SLC38A6: variants seen among roughly 807,000 people sequenced by gnomAD.
SLC38A6 encodes the protein solute carrier family 38 member 6, also known as N system amino acid transporter NAT-1.
A neutral mutation model predicts 65.0 loss-of-function variants in SLC38A6; 73 were observed. The observed-to-expected ratio is 1.12, with a 90% CI of 0.93 to 1.37. The LOEUF (loss-of-function observed/expected upper bound fraction) is 1.37, where lower values mean the gene tolerates loss of function less well. SLC38A6 is among the 40% of genes most tolerant of loss of function. The probability of loss-of-function intolerance (pLI) is 0.00; values close to 1 mark genes in which losing one functional copy is unlikely to be tolerated. For synonymous variants in SLC38A6, 183 were observed against 178.8 expected (o/e 1.02, Z -0.19); for missense variants, 561 against 531.1 (o/e 1.06, Z -0.55).
At chr14:61,033,013 T>C (rs543217264) in intron 6 of SLC38A6, among the ~76,000 whole-genome samples, 4 of 152,078 alleles carry the variant, frequency 2.6e-5, no homozygotes, top group African/African-American at 9.6e-5. Flanking sequence ...GAAGCTATAA[T>C]ACTTATACTG....
intron 3 of SLC38A6, among the ~76,000 whole-genome samples, chr14:60,996,592 T>C (rs1188307607): frequency 6.6e-6 from 1 of 152,148 alleles, no homozygotes; most frequent in African/African-American, 2.4e-5. Context: ...CAAAAATTGA[T>C]GTAACTGAAG....
At chr14:60,981,840 C>T in intron 1 of SLC38A6, 1 of 857,664 alleles carries the variant, frequency 1.2e-6, no homozygotes, top group Non-Finnish European at 1.6e-6. Flanking sequence ...ATGGAAGTGG[C>T]TTGGTAGTAA....
At chr14:61,079,865 C>T (rs2043576589) in intron 16 of SLC38A6, among the ~76,000 whole-genome samples, 1 of 152,054 alleles carries the variant, frequency 6.6e-6, no homozygotes, top group African/African-American at 2.4e-5. Flanking sequence ...GGCTGAAATC[C>T]TGTGGGATCC....
intron 3 of SLC38A6, among the ~76,000 whole-genome samples, chr14:61,005,051 G>T (rs11847208): frequency 0.87 from 132,869 of 152,018 alleles, 58,953 homozygotes; most frequent in Non-Finnish European, 0.96. Context: ...ATCAATAAAT[G>T]TAATCCAGCA....
chr14:61,009,954 CA>C (rs1310171705), intron 3 of SLC38A6, among the ~76,000 whole-genome samples: 1 of 152,150 alleles, frequency 6.6e-6, no homozygotes, highest in Non-Finnish European at 1.5e-5. Context: ...GAGGAATCAC[CA>C]CACTGACTTC....
intron 15 of SLC38A6, among the ~76,000 whole-genome samples, chr14:61,077,142 TAAGG>T (rs1347565527): frequency 2.0e-5 from 3 of 152,274 alleles, no homozygotes; most frequent in South Asian, 2.1e-4. Context: ...TATAAAAAAT[TAAGG>T]AAGGTTATAA....
At chr14:61,005,678 A>C (rs1003116366) in intron 3 of SLC38A6, among the ~76,000 whole-genome samples, 22 of 152,248 alleles carry the variant, frequency 1.4e-4, no homozygotes, top group Non-Finnish European at 2.6e-4. Context: ...TAATGAAATA[A>C]AAGAAGATAC....
intron 15 of SLC38A6, chr14:61,073,926 C>T (rs1256493685): frequency 6.6e-6 from 1 of 151,614 alleles, no homozygotes; most frequent in Non-Finnish European, 1.5e-5. Context: ...TTATGATGAT[C>T]CAGTTTCACT....
At chr14:61,043,293 A>T in intron 9 of SLC38A6, 81 bp downstream of exon 9, 1 of 1,129,920 alleles carries the variant, frequency 8.9e-7, no homozygotes, top group Non-Finnish European at 1.3e-6. Flanking sequence ...TTCTTTTCTG[A>T]TTGATGAAAA....
intron 5 of SLC38A6, among the ~76,000 whole-genome samples, chr14:61,026,144 G>T (rs774709430): frequency 2.0e-5 from 3 of 152,078 alleles, no homozygotes; most frequent in Non-Finnish European, 4.4e-5. Context: ...ATTAGGGTTG[G>T]TTTGTTTTTT....
chr14:60,984,634 A>C, intron 2 of SLC38A6, 96 bp from the exon 3 acceptor site: 1 of 911,702 alleles, frequency 1.1e-6, no homozygotes, highest in South Asian at 1.3e-5. Context: ...AGTTCCTGTG[A>C]ATATTTGACT....
intron 3 of SLC38A6, among the ~76,000 whole-genome samples, chr14:61,009,044 C>CT (rs1201638196): frequency 4.6e-5 from 7 of 152,122 alleles, no homozygotes. Context: ...TAAGAGGACT[C>CT]TATTCTTACA....
chr14:61,064,410 C>T (rs904180030), intron 15 of SLC38A6, among the ~76,000 whole-genome samples: 1 of 152,010 alleles, frequency 6.6e-6, no homozygotes, highest in Non-Finnish European at 1.5e-5. Context: ...AGTGTGATGA[C>T]AGCTGGGCAT....
chr14:61,042,745 G>T (rs529228393), intron 8 of SLC38A6, among the ~76,000 whole-genome samples: 1 of 152,166 alleles, frequency 6.6e-6, no homozygotes, highest in East Asian at 1.9e-4. Flanking sequence ...TCTTCCTGTG[G>T]CCTTTCCATA....
rs538806960 is a variant in SLC38A6 at position 61,011,399 on chromosome 14, C to A, written c.311-4505C>A. 2.6e-5 allele frequency among the ~76,000 whole-genome samples: 4 copies of A among 152,112 alleles called. No homozygotes were observed. In the South Asian group the frequency reaches 8.3e-4, roughly 32 times the overall value. On this transcript the variant is annotated intron_variant, in intron 3 of 15. Transcript: ENST00000267488. ...CCTTCTCCTGCCTGATTGCCCTGGC[C>A]AGAACTTCCAACACTATGTTGAATA...
At chr14:61,046,441 GAA>G (rs1448782159) in intron 12 of SLC38A6, among the ~76,000 whole-genome samples, 2 of 152,046 alleles carry the variant, frequency 1.3e-5, no homozygotes, top group African/African-American at 4.8e-5. Flanking sequence ...CTTTCTATAA[GAA>G]AAAATGTGCA....
chr14:60,988,470 T>C (rs534370995), intron 3 of SLC38A6, among the ~76,000 whole-genome samples: 135 of 152,360 alleles, frequency 8.9e-4, no homozygotes, highest in African/African-American at 3.1e-3. Context: ...CTAATCCTTC[T>C]AATGCTTTCA....
intron 5 of SLC38A6, among the ~76,000 whole-genome samples, chr14:61,027,046 A>G (rs1448287770): frequency 6.6e-6 from 1 of 152,096 alleles, no homozygotes; most frequent in East Asian, 1.9e-4. Flanking sequence ...GCTATTACCT[A>G]ATCAGATTTT....
In SLC38A6 at chr14:61,026,167, G is replaced by A. The variant is rs574054623; in HGVS notation, c.404-4278G>A. On this transcript the variant is annotated intron_variant, in intron 5 of 15. Coordinates refer to ENST00000267488, the MANE Select transcript of SLC38A6 (RefSeq NM_153811.3). The stretch of plus-strand genomic sequence containing the variant: ...TGGTTTGTTTTTTTTAAGTTTGTAT[G>A]CTTAATAACGACAACTTGGGAAGCA... Among the ~76,000 whole-genome samples the A allele has an allele frequency of 4.6e-5, 7 of 152,164 alleles. No individual in the cohort carries two copies. In the South Asian group the frequency reaches 8.3e-4, roughly 18 times the overall value.
Sources: gnomAD v4.1 joint callset for allele counts (sites outside exome capture counted in the v4.1 genomes callset) on GRCh38, gnomAD v4.1.1 for gene constraint, MANE v1.5 for transcripts, NCBI Gene and HGNC (gene_info 2026-07-23, HGNC 2026-07-21) for gene names.